Variants in CELF2 observed in about 807,000 individuals in gnomAD.
CELF2 encodes the protein CUGBP Elav-like family member 2, also known as CUG triplet repeat RNA-binding protein 2.
Under a neutral mutation model 62.6 loss-of-function variants are expected in CELF2, and 8 were observed. The ratio of observed to expected loss-of-function variants is 0.13; its 90% CI spans 0.07 to 0.23. The LOEUF (loss-of-function observed/expected upper bound fraction) is 0.23. CELF2 is among the 10% of genes least tolerant of loss of function. CELF2 has a pLI of 1.00. For synonymous variants in CELF2, 258 were observed against 250.0 expected, an observed-to-expected ratio of 1.03 and a Z score of -0.30; for missense variants, 333 against 671.0, an observed-to-expected ratio of 0.50 and a Z score of 5.56.
At chr10:10,794,305 A>G (rs1021370695), upstream of CELF2, among the ~76,000 whole-genome samples, 1 of 152,152 alleles carries the variant, frequency 6.6e-6, no homozygotes, top group African/African-American at 2.4e-5. Flanking sequence ...AAGAGGAGAG[A>G]GAGAGCTTAC....
the CELF2 span, among the ~76,000 whole-genome samples, chr10:10,502,407 T>C: frequency 6.6e-6 from 1 of 152,058 alleles, no homozygotes; most frequent in Non-Finnish European, 1.5e-5. Flanking sequence ...TGGGCCTGGA[T>C]ATTTAAGAGT....
At chr10:10,870,509 G>A (rs568450544) in intron 1 of CELF2, among the ~76,000 whole-genome samples, 2 of 152,174 alleles carry the variant, frequency 1.3e-5, no homozygotes, top group East Asian at 1.9e-4. Context: ...AGTGATTTCC[G>A]AAATACCAGT....
intron 1 of CELF2, chr10:11,102,296 AT>A (rs1391320014): frequency 6.6e-6 from 1 of 152,248 alleles, no homozygotes; most frequent in Non-Finnish European, 1.5e-5. Flanking sequence ...GACTGTGCTA[AT>A]TCTAAAGTAA....
the CELF2 span, among the ~76,000 whole-genome samples, chr10:10,762,481 A>C: frequency 6.6e-6 from 1 of 152,204 alleles, no homozygotes; most frequent in African/African-American, 2.4e-5. Flanking sequence ...AAGAAAGAGT[A>C]GATTAATAGA....
the CELF2 span, chr10:10,786,675 G>C: frequency 6.6e-6 from 1 of 152,184 alleles, no homozygotes; most frequent in Non-Finnish European, 1.5e-5. Context: ...GGGAAGTAGA[G>C]AGGGGGATGA....
intron 2 of CELF2, among the ~76,000 whole-genome samples, chr10:11,204,557 G>A (rs543830693): frequency 6.6e-6 from 1 of 152,222 alleles, no homozygotes; most frequent in Non-Finnish European, 1.5e-5. Flanking sequence ...GGGGCCGGTG[G>A]GGGGACCCAG....
chr10:10,630,561 G>C, the CELF2 span, among the ~76,000 whole-genome samples: 37 of 152,048 alleles, frequency 2.4e-4, no homozygotes, highest in African/African-American at 7.5e-4. Context: ...AGACCCACTG[G>C]GTAGAGATTG....
At chr10:10,863,298 A>T (rs1023024707) in intron 1 of CELF2, among the ~76,000 whole-genome samples, 4 of 152,158 alleles carry the variant, frequency 2.6e-5, no homozygotes, top group Non-Finnish European at 5.9e-5. Flanking sequence ...AAATTATACA[A>T]TGTGTGTGTT....
chr10:11,273,973 C>T (rs938499705), intron 7 of CELF2, among the ~76,000 whole-genome samples: 5 of 140,734 alleles, frequency 3.6e-5, no homozygotes, highest in East Asian at 2.2e-4. Flanking sequence ...TCCCCACCCC[C>T]CCCCCCCACC....
At chr10:10,669,566 AT>A in the CELF2 span, among the ~76,000 whole-genome samples, 1,128 of 152,278 alleles carry the variant, frequency 7.4e-3, 6 homozygotes, top group Non-Finnish European at 8.8e-3. Context: ...GGATTCTAAT[AT>A]GTAATTTGCC....
the CELF2 span, among the ~76,000 whole-genome samples, chr10:10,650,766 T>C: frequency 3.3e-5 from 5 of 152,216 alleles, no homozygotes; most frequent in Non-Finnish European, 7.3e-5. Context: ...GGAAAAAGTT[T>C]TAGCGTTCCT....
rs1190857024 is a variant in CELF2, at chr10:11,332,676, A to ACCCTGTTAGGATCAGTGT, written c.*3624_*3641dup. Reference sequence around the variant, plus strand: ...CCTCAGCTCCCCTTCCCCGCTCAGCACCCTGTTAGGATCAGTGTGTGTGGA... The same window carrying ACCCTGTTAGGATCAGTGT: ...CCTCAGCTCCCCTTCCCCGCTCAGCACCCTGTTAGGATCAGTGTCCCTGTTAGGATCAGTGTGTGTGGA... On this transcript the variant is annotated 3_prime_UTR_variant, in exon 13 of 13. Transcript: ENST00000633077. 2.0e-5 allele frequency: 3 copies of ACCCTGTTAGGATCAGTGT among 152,678 alleles called. No homozygotes were observed. The highest frequency in any genetic ancestry group is 7.2e-5 in the African/African-American group (3 of 41,420). 9.5% of individuals were successfully genotyped at this position (152,678 alleles called of 1,614,324 possible).
At chr10:10,489,636 G>A in the CELF2 span, among the ~76,000 whole-genome samples, 1 of 152,094 alleles carries the variant, frequency 6.6e-6, no homozygotes, top group East Asian at 1.9e-4. Context: ...TTAGGCATGA[G>A]AGACCTATAC....
At chr10:11,252,474 A>G (rs2077435454) in intron 4 of CELF2, among the ~76,000 whole-genome samples, 1 of 152,238 alleles carries the variant, frequency 6.6e-6, no homozygotes, top group South Asian at 2.1e-4. Context: ...GCTGCTAATC[A>G]TGGATTAATT....
chr10:11,115,702 A>G (rs930997055), intron 1 of CELF2, among the ~76,000 whole-genome samples: 15 of 152,256 alleles, frequency 9.9e-5, no homozygotes, highest in African/African-American at 3.6e-4. Flanking sequence ...AGAACTACAG[A>G]GGAAAAACAA....
chr10:10,814,339 G>C (rs897884981), intron 1 of CELF2, among the ~76,000 whole-genome samples: 1 of 150,492 alleles, frequency 6.6e-6, no homozygotes, highest in African/African-American at 2.4e-5. Context: ...AAGAGAACTT[G>C]ACTCTCTTTG....
At chr10:11,196,175 G>C (rs1429930946) in intron 2 of CELF2, among the ~76,000 whole-genome samples, 1 of 152,170 alleles carries the variant, frequency 6.6e-6, no homozygotes, top group Non-Finnish European at 1.5e-5. Context: ...GAGTCATTTA[G>C]ACCAGTCGTC....
intron 2 of CELF2, among the ~76,000 whole-genome samples, chr10:11,190,825 C>G (rs550491435): frequency 7.6e-6 from 1 of 130,884 alleles, no homozygotes; most frequent in East Asian, 2.6e-4. Flanking sequence ...GATTCCACTT[C>G]TGAGTTACCT....
At chr10:11,213,896 G>C (rs1452643773) in intron 2 of CELF2, among the ~76,000 whole-genome samples, 1 of 152,218 alleles carries the variant, frequency 6.6e-6, no homozygotes, top group African/African-American at 2.4e-5. Context: ...GAATGCTTTT[G>C]ACCCTTTTTC....
Sources: gnomAD v4.1 joint callset for allele counts (sites outside exome capture counted in the v4.1 genomes callset) on GRCh38, gnomAD v4.1.1 for gene constraint, MANE v1.5 for transcripts, NCBI Gene and HGNC (gene_info 2026-07-23, HGNC 2026-07-21) for gene names.